Variants in SRM observed in about 807,000 individuals in gnomAD.
The protein encoded by SRM is spermidine synthase.
Under a neutral mutation model 39.3 loss-of-function variants are expected in SRM, and 14 were observed. The ratio of observed to expected loss-of-function variants is 0.36; its 90% confidence interval spans 0.24 to 0.56. The LOEUF (loss-of-function observed/expected upper bound fraction) is 0.56. Ranked by LOEUF, SRM falls within the 20% of genes least tolerant of loss-of-function variation. The probability of loss-of-function intolerance (pLI) is 0.86; values close to 1 mark genes in which losing one functional copy is unlikely to be tolerated. For synonymous variants in SRM, 195 were observed against 173.1 expected, an observed-to-expected ratio of 1.13 and a Z score of -0.99; for missense variants, 244 against 409.2, an observed-to-expected ratio of 0.60 and a Z score of 3.48.
In SRM at chr1:11,059,947, G is replaced by A; in HGVS notation, c.-4C>T. 2 of 1,049,930 alleles carry A rather than the reference G, an allele frequency of 1.9e-6. No homozygotes were observed. The highest frequency in any genetic ancestry group is 2.3e-6 in the Non-Finnish European group (2 of 872,834). 65.0% of individuals were successfully genotyped at this position (1,049,930 alleles called of 1,614,324 possible). ...GGCCGTCGGGGCCGGGCTCCATGGC[G>A]GGCGGGCGGGCGGCGCGGGGCGCGG... On this transcript the variant is annotated 5_prime_UTR_variant, in exon 1 of 8. Coordinates refer to ENST00000376957, the MANE Select transcript of SRM (RefSeq NM_003132.3).
At chr1:11,055,639 T>A in intron 6 of SRM, 142 bp downstream of exon 6, 1 of 823,994 alleles carries the variant, frequency 1.2e-6, no homozygotes. Flanking sequence ...ATGGTCTCGA[T>A]CTCCTGACCT....
chr1:11,058,679 G>C, intron 3 of SRM, 121 bp downstream of exon 3: 1 of 838,992 alleles, frequency 1.2e-6, no homozygotes, highest in Non-Finnish European at 1.8e-6. Context: ...TCCCCGACCA[G>C]GTGTTTTCCA....
intron 3 of SRM, among the ~76,000 whole-genome samples, chr1:11,057,933 C>T (rs773391418): frequency 6.6e-6 from 1 of 152,090 alleles, no homozygotes; most frequent in Non-Finnish European, 1.5e-5. Flanking sequence ...CATGCACTAC[C>T]ATGCCCGGCT....
intron 3 of SRM, among the ~76,000 whole-genome samples, chr1:11,058,014 G>A (rs573627251): frequency 6.6e-6 from 1 of 151,146 alleles, no homozygotes; most frequent in African/African-American, 2.4e-5. Context: ...CCTGACCTCA[G>A]GTGATCTGCC....
At position 11,054,724 on chromosome 1, in the gene SRM, C is replaced by A; in HGVS notation, c.*141G>T. 6 of 1,242,732 alleles carry A rather than the reference C, an allele frequency of 4.8e-6. No individual in the cohort carries two copies. Among genetic ancestry groups the A allele is most frequent in the Non-Finnish European group, 5.4e-6 (5 of 917,816 alleles). The allele number at this position is 1,242,732 out of a possible 1,614,324, so 77.0% of individuals were successfully genotyped here. A position where few individuals can be genotyped will look rare whatever the true frequency, so the allele number is the denominator to read the frequency against. On this transcript the variant is annotated 3_prime_UTR_variant, in exon 8 of 8. Transcript: ENST00000376957. The surrounding 1 kb of genome is among the most constrained non-coding windows in gnomAD (Gnocchi z 4.8). ...CAGACAGTCCGCCCAGCAGGGCAGG[C>A]CGGGCAGCATTCTGGGGCTTGTAAC...
rs746359723 is a variant in SRM, at chr1:11,055,875, C to A, written c.671G>T (p.Cys224Phe). ...GGCCACCACGGGGAACAGGGACTGG[C>A]AGAACTGCCGCATCTCCTTGATGAG... ...LDLIKEMRQF[C>F]QSLFPVVAYA... is the part of the protein sequence containing the mutation. Residue 224 changes from cysteine to phenylalanine, a missense_variant, in exon 6 of 8, where the codon TGC becomes TTC. By Grantham distance (205) the Cys-to-Phe change is radical. Transcript: ENST00000376957. 6.2e-7 allele frequency: 1 copy of A among 1,611,788 alleles called. No homozygotes were observed. Among genetic ancestry groups the A allele is most frequent in the Non-Finnish European group, 8.5e-7 (1 of 1,178,856 alleles).
chr1:11,055,634 C>A, intron 6 of SRM, 147 bp downstream of exon 6: 1 of 806,718 alleles, frequency 1.2e-6, no homozygotes. Context: ...CCAAGATGGT[C>A]TCGATCTCCT....
At chr1:11,055,398 C>T (rs569560565) in intron 6 of SRM, among the ~76,000 whole-genome samples, 6 of 150,994 alleles carry the variant, frequency 4.0e-5, no homozygotes, top group South Asian at 4.2e-4. Flanking sequence ...CATGAGACAC[C>T]GCACCTGGCC....
At chr1:11,056,856 C>G in intron 3 of SRM, 99 bp from the exon 4 acceptor site, 1 of 1,225,092 alleles carries the variant, frequency 8.2e-7, no homozygotes, top group Non-Finnish European at 1.2e-6. Context: ...AGGCAAGCCG[C>G]CTTGGCCAAC....
rs780843478 is a variant in SRM, at chr1:11,055,079, C to T, written c.771G>A (p.Thr257=). Residue 257 remains threonine (T), a synonymous_variant, in exon 7 of 8, where the codon ACG becomes ACA. Coordinates refer to ENST00000376957, the MANE Select transcript of SRM (RefSeq NM_003132.3). ...GFMLCSKNPS[T]NFQEPVQPLT... ...GCGGCTGCACCGGCTCCTGGAAGTT[C>T]GTGCTCTGGGGACCGGGCCAGGGGC... The T allele has an allele frequency of 8.1e-6, 13 of 1,608,332 alleles. No individual in the cohort carries two copies. The highest frequency in any genetic ancestry group is 1.8e-4 in the Middle Eastern group (1 of 5,604).
chr1:11,056,245 T>C (rs1638876649), intron 4 of SRM, 151 bp from the exon 5 acceptor site: 5 of 785,158 alleles, frequency 6.4e-6, no homozygotes, highest in Middle Eastern at 3.5e-4. Context: ...GGGAGTCTCA[T>C]TGGCACCACA....
intron 3 of SRM, among the ~76,000 whole-genome samples, chr1:11,058,548 C>G (rs34630462): frequency 1.5e-5 from 2 of 136,924 alleles, no homozygotes; most frequent in Non-Finnish European, 3.0e-5. Context: ...GCAACAAGAG[C>G]GAAACTCTGT....
Position 11,059,955 on chromosome 1 carries a change from G to GGGCC in SRM, c.-13_-12insGGCC. The GGGCC allele has an allele frequency of 3.0e-6, 3 of 1,001,622 alleles. No homozygotes were observed. The highest frequency in any genetic ancestry group is 3.6e-6 in the Non-Finnish European group (3 of 840,924). The allele number at this position is 1,001,622 out of a possible 1,614,324, so 62.0% of individuals were successfully genotyped here. On this transcript the variant is annotated 5_prime_UTR_variant, in exon 1 of 8. Coordinates refer to ENST00000376957, the MANE Select transcript of SRM (RefSeq NM_003132.3). ...GGGCCGGGCTCCATGGCGGGCGGGCGGGCGGCGCGGGGCGCGGGCCCGGGA... is the reference window on the plus strand; with the variant it reads ...GGGCCGGGCTCCATGGCGGGCGGGCGGGCCGGCGGCGCGGGGCGCGGGCCCGGGA...
At chr1:11,059,581 A>C (rs1570769120) in intron 1 of SRM, 196 bp downstream of exon 1, 1 of 890,146 alleles carries the variant, frequency 1.1e-6, no homozygotes, top group Non-Finnish European at 1.7e-6. Flanking sequence ...CGGGGCGCAG[A>C]CTCCGACTCC....
intron 2 of SRM, 88 bp downstream of exon 2, chr1:11,059,137 A>C (rs1019395598): frequency 6.3e-7 from 1 of 1,591,640 alleles, no homozygotes; most frequent in Admixed American, 1.7e-5. Context: ...ACTTTCTCTG[A>C]CAACCATGCA....
Position 11,055,097 on chromosome 1 carries a change from C to T in SRM, c.766-13G>A. On this transcript the variant is annotated splice_polypyrimidine_tract_variant and intron_variant, in intron 6 of 7. Transcript: ENST00000376957. ...GGAAGTTCGTGCTCTGGGGACCGGGCCAGGGGCACATCAGGGGGGGCACTT... is the reference window on the plus strand; with the variant it reads ...GGAAGTTCGTGCTCTGGGGACCGGGTCAGGGGCACATCAGGGGGGGCACTT... 6.3e-7 allele frequency: 1 copy of T among 1,594,474 alleles called. No individual in the cohort carries two copies. Among genetic ancestry groups the T allele is most frequent in the Non-Finnish European group, 8.5e-7 (1 of 1,172,428 alleles).
chr1:11,056,557 CCAGACCTG>C, intron 4 of SRM, 39 bp downstream of exon 4: 2 of 1,609,718 alleles, frequency 1.2e-6, no homozygotes, highest in Non-Finnish European at 1.7e-6. Flanking sequence ...AGGCTGACCT[CCAGACCTG>C]CAGCTGCCAG....
intron 6 of SRM, 56 bp downstream of exon 6, chr1:11,055,725 T>C (rs2100920169): frequency 6.6e-7 from 1 of 1,521,502 alleles, no homozygotes; most frequent in East Asian, 2.5e-5. Context: ...GGGGCAGGGA[T>C]CTCTATTTAT....
intron 3 of SRM, among the ~76,000 whole-genome samples, chr1:11,058,454 C>T (rs1166998961): frequency 3.3e-5 from 5 of 150,692 alleles, no homozygotes; most frequent in Non-Finnish European, 7.4e-5. Flanking sequence ...CCAGCTACTC[C>T]GGAGGCTGAG....
Sources: allele counts gnomAD v4.1 joint callset (sites outside exome capture counted in the v4.1 genomes callset), GRCh38; gene constraint gnomAD v4.1.1; non-coding constraint Gnocchi (gnomAD v3.1); transcripts MANE v1.5; gene names NCBI Gene and HGNC (gene_info 2026-07-23, HGNC 2026-07-21).